Variants in PPFIA3 observed in about 807,000 individuals in gnomAD.
The protein encoded by PPFIA3 is liprin-alpha-3.
A neutral mutation model predicts 145.8 loss-of-function variants in PPFIA3; 26 were observed. That is an observed-to-expected ratio of 0.18 (90% CI 0.13 to 0.25). The LOEUF (loss-of-function observed/expected upper bound fraction) is 0.25, where lower values mean the gene tolerates loss of function less well. PPFIA3 is among the 10% of genes least tolerant of loss of function. The probability of loss-of-function intolerance (pLI) is 1.00; values close to 1 mark genes in which losing one functional copy is unlikely to be tolerated. For synonymous variants in PPFIA3, 645 were observed against 661.4 expected, an observed-to-expected ratio of 0.98 and a Z score of 0.38; for missense variants, 1,008 against 1,587.8, an observed-to-expected ratio of 0.63 and a Z score of 6.21.
At position 49,149,075 on chromosome 19, in the gene PPFIA3, G is replaced by A. The variant is rs1022221926; in HGVS notation, c.3192G>A (p.Glu1064=). ...GLKEFATNLT[E]SGVHGALLAL... is the part of the protein sequence containing the mutation. Reference sequence around the variant, plus strand: ...AGGAATTTGCCACGAACCTCACGGAGAGCGGGGTACACGGGGCACTGCTCG... The same window carrying A: ...AGGAATTTGCCACGAACCTCACGGAAAGCGGGGTACACGGGGCACTGCTCG... The change falls in exon 26 of 30, where the codon GAG becomes GAA. Residue 1064 remains glutamate (E), a synonymous_variant. Coordinates refer to ENST00000334186, the MANE Select transcript of PPFIA3 (RefSeq NM_003660.4). This position sits in a 1 kb window ranked among gnomAD's most constrained non-coding sequence, Gnocchi z 5.7. 1 of 1,614,194 alleles carries A rather than the reference G, an allele frequency of 6.2e-7. No individual in the cohort carries two copies. Among genetic ancestry groups the A allele is most frequent in the African/African-American group, 1.3e-5 (1 of 75,054 alleles).
At chr19:49,132,974 C>G in intron 7 of PPFIA3, 27 bp from the exon 8 acceptor site, 1 of 1,603,312 alleles carries the variant, frequency 6.2e-7, no homozygotes, top group Non-Finnish European at 8.5e-7. Context: ...GGCTCGCAGT[C>G]CACGGGGCCC....
intron 21 of PPFIA3, among the ~76,000 whole-genome samples, chr19:49,145,470 C>T (rs1005521998): frequency 1.3e-5 from 2 of 152,190 alleles, no homozygotes; most frequent in African/African-American, 4.8e-5. Context: ...CCATATCCCA[C>T]ACCCTATGAC....
At chr19:49,125,520 TCCCGCCCCAGAAAC>T (rs1173589218) in intron 1 of PPFIA3, 2 of 152,490 alleles carry the variant, frequency 1.3e-5, no homozygotes, top group Non-Finnish European at 1.5e-5. Flanking sequence ...AGTCCAGGCT[TCCCGCCCCAGAAAC>T]CCCGCCCCTT....
chr19:49,137,840 C>CCTGATCT (rs2041160431), intron 15 of PPFIA3, among the ~76,000 whole-genome samples: 1 of 152,004 alleles, frequency 6.6e-6, no homozygotes, highest in South Asian at 2.1e-4. Context: ...GGCCTGAGTC[C>CCTGATCT]CTGATCTCAC....
Position 49,148,270 on chromosome 19 carries a change from C to G in PPFIA3, c.3011+12C>G. On this transcript the variant is annotated intron_variant, in intron 24 of 29. Coordinates refer to ENST00000334186, the MANE Select transcript of PPFIA3 (RefSeq NM_003660.4). Reference sequence around the variant, plus strand: ...GACAGCTTTCACAGGTGGGGGCTGCCTGGCCAGTGGGGACAGTCCAAAGGG... The same window carrying G: ...GACAGCTTTCACAGGTGGGGGCTGCGTGGCCAGTGGGGACAGTCCAAAGGG... The G allele has an allele frequency of 6.2e-7, 1 of 1,611,624 alleles. No homozygotes were observed. The highest frequency in any genetic ancestry group is 8.5e-7 in the Non-Finnish European group (1 of 1,178,518).
In PPFIA3 at chr19:49,128,823, T is replaced by C. The variant is rs1265254798; in HGVS notation, c.343-25T>C. ...GCCCCTTTTCCCTTGCCTCTTTTCC[T>C]TGACCCCATGCCGTGTGCTTGCAGC... On this transcript the variant is annotated intron_variant, in intron 3 of 29. Transcript: ENST00000334186. The surrounding 1 kb of genome is among the most constrained non-coding windows in gnomAD (Gnocchi z 4.1). 1 of 1,563,218 alleles carries C rather than the reference T, an allele frequency of 6.4e-7. No individual in the cohort carries two copies.
At chr19:49,135,539 A>AT (rs969672396) in intron 13 of PPFIA3, among the ~76,000 whole-genome samples, 28 of 151,472 alleles carry the variant, frequency 1.8e-4, no homozygotes, top group African/African-American at 2.9e-4. Context: ...CATCCAGCTA[A>AT]TTTTTTTTAT....
chr19:49,143,207 C>T (rs1258799911), intron 21 of PPFIA3, among the ~76,000 whole-genome samples: 2 of 152,222 alleles, frequency 1.3e-5, no homozygotes, highest in African/African-American at 4.8e-5. Context: ...CAGGCCACCT[C>T]CTTCCCTGAC....
chr19:49,126,044 G>A (rs1379104042), intron 1 of PPFIA3, among the ~76,000 whole-genome samples: 2 of 151,964 alleles, frequency 1.3e-5, no homozygotes, highest in Admixed American at 6.6e-5. Context: ...TCTGCCTCCC[G>A]GGTTCAAGCG....
In PPFIA3 at chr19:49,141,526, G is replaced by C. The variant is rs1568439916; in HGVS notation, c.2462+13G>C. The C allele has an allele frequency of 1.9e-6, 3 of 1,605,302 alleles. No homozygotes were observed. The highest frequency in any genetic ancestry group is 2.6e-6 in the Non-Finnish European group (3 of 1,172,224). ...GGAACAAGAGGAAGTGAGTGTGTGTGAGTGTGAGCGTGTGTGTGTGTATGT... is the reference window on the plus strand; with the variant it reads ...GGAACAAGAGGAAGTGAGTGTGTGTCAGTGTGAGCGTGTGTGTGTGTATGT... On this transcript the variant is annotated intron_variant, in intron 19 of 29. Transcript: ENST00000334186.
chr19:49,129,019 G>T lies in PPFIA3; in HGVS notation c.507+7G>T. The T allele has an allele frequency of 6.3e-7, 1 of 1,579,744 alleles. No homozygotes were observed. The highest frequency in any genetic ancestry group is 8.6e-7 in the Non-Finnish European group (1 of 1,160,876). ...CAAGGCCCTGGATGAGAAGGTATGA[G>T]AATTAGAAGAGCAGGGGTGGAGAAT... is the stretch of plus-strand genomic sequence containing the variant. On this transcript the variant is annotated splice_region_variant and intron_variant, in intron 4 of 29. Coordinates refer to ENST00000334186, the MANE Select transcript of PPFIA3 (RefSeq NM_003660.4).
chr19:49,148,491 T>A, intron 24 of PPFIA3, 175 bp from the exon 25 acceptor site: 1 of 716,362 alleles, frequency 1.4e-6, no homozygotes, highest in Non-Finnish European at 2.3e-6. Context: ...GGCTGGCCAG[T>A]AGGAAGTGCC....
At chr19:49,142,565 CCCTCTT>C (rs2041236099) in intron 20 of PPFIA3, among the ~76,000 whole-genome samples, 1 of 146,874 alleles carries the variant, frequency 6.8e-6, no homozygotes, top group Non-Finnish European at 1.5e-5. Flanking sequence ...CTCTCCCTCT[CCCTCTT>C]CCCCCACCCG....
intron 4 of PPFIA3, 128 bp downstream of exon 4, chr19:49,129,140 T>A: frequency 9.0e-7 from 1 of 1,110,230 alleles, no homozygotes; most frequent in Non-Finnish European, 1.3e-6. Flanking sequence ...TGACTGTGAT[T>A]GATTGGGACA....
rs571713140 is a variant in PPFIA3 at position 49,128,244 on chromosome 19, G to A, written c.241-123G>A. On this transcript the variant is annotated intron_variant, in intron 2 of 29. Transcript: ENST00000334186. This position sits in a 1 kb window ranked among gnomAD's most constrained non-coding sequence, Gnocchi z 4.1. Reference sequence around the variant, plus strand: ...GGCTTGCCGTTAATGGGCGGGGCCTGAGTGGCAAGGGACAGCGGGACTTAG... The same window carrying A: ...GGCTTGCCGTTAATGGGCGGGGCCTAAGTGGCAAGGGACAGCGGGACTTAG... 25 of 1,482,024 alleles carry A rather than the reference G, an allele frequency of 1.7e-5. No homozygotes were observed. In the South Asian group the frequency reaches 2.9e-4, roughly 17 times the overall value. The allele number at this position is 1,482,024 out of a possible 1,614,324, so 91.8% of individuals were successfully genotyped here.
In PPFIA3 at chr19:49,150,331, C is replaced by T. The variant is rs996547007; in HGVS notation, c.*109C>T. Reference sequence around the variant, plus strand: ...GCCGGGGAGAGCGGGCGGGGGAGCTCGCGCCGAGGACTGGACCATCTGTAC... The same window carrying T: ...GCCGGGGAGAGCGGGCGGGGGAGCTTGCGCCGAGGACTGGACCATCTGTAC... On this transcript the variant is annotated 3_prime_UTR_variant, in exon 30 of 30. Transcript: ENST00000334186. The T allele has an allele frequency of 1.6e-6, 1 of 639,720 alleles. No individual in the cohort carries two copies. 39.6% of individuals were successfully genotyped at this position (639,720 alleles called of 1,614,324 possible).
chr19:49,139,971 C>T lies in PPFIA3; in HGVS notation c.2251C>T (p.Pro751Ser). Residue 751 changes from proline to serine, a missense_variant, in exon 18 of 30, where the codon CCA becomes TCA. Coordinates refer to ENST00000334186, the MANE Select transcript of PPFIA3 (RefSeq NM_003660.4). ...CTCCTGCTTTCCCAGTGAGGGCACCCCAGATTCTCTGCACAAAGCCCCCAA... is the reference window on the plus strand; with the variant it reads ...CTCCTGCTTTCCCAGTGAGGGCACCTCAGATTCTCTGCACAAAGCCCCCAA... Reference protein sequence around the residue: ...GGPPRGSEGTPDSLHKAPKKK... With the variant: ...GGPPRGSEGTSDSLHKAPKKK... 1 of 1,614,136 alleles carries T rather than the reference C, an allele frequency of 6.2e-7. No individual in the cohort carries two copies.
In PPFIA3 at chr19:49,133,469, C is replaced by T. The variant is rs1351258094; in HGVS notation, c.1161+98C>T. 15 of 1,386,340 alleles carry T rather than the reference C, an allele frequency of 1.1e-5. No individual in the cohort carries two copies. The highest frequency in any genetic ancestry group is 2.5e-5 in the East Asian group (1 of 40,210). 85.9% of individuals were successfully genotyped at this position (1,386,340 alleles called of 1,614,324 possible). A position where few individuals can be genotyped will look rare whatever the true frequency, so the allele number is the denominator to read the frequency against. ...TGGAGGGGTAGGAGCGAGGTCAGAA[C>T]CCCGGATTTGGGGGAAAGGGTGGGG... On this transcript the variant is annotated intron_variant, in intron 9 of 29. Transcript: ENST00000334186. This position sits in a 1 kb window ranked among gnomAD's most constrained non-coding sequence, Gnocchi z 7.2.
rs996000357 is a variant in PPFIA3, at chr19:49,130,922, C to A, written c.879+323C>A. On this transcript the variant is annotated intron_variant, in intron 7 of 29. Coordinates refer to ENST00000334186, the MANE Select transcript of PPFIA3 (RefSeq NM_003660.4). The surrounding 1 kb of genome is among the most constrained non-coding windows in gnomAD (Gnocchi z 4.5). ...TGTCGCCCAGGCTGGAGTGCAGTGG[C>A]GTGATCTTGGCTTACTGCCACCTCT... Among the ~76,000 whole-genome samples, 2 of 151,652 alleles carry A rather than the reference C, an allele frequency of 1.3e-5. No homozygotes were observed. The highest frequency in any genetic ancestry group is 4.8e-5 in the African/African-American group (2 of 41,250).
Sources: gnomAD v4.1 joint callset for allele counts (sites outside exome capture counted in the v4.1 genomes callset) on GRCh38, gnomAD v4.1.1 for gene constraint, Gnocchi (gnomAD v3.1) non-coding constraint, MANE v1.5 for transcripts, NCBI Gene and HGNC (gene_info 2026-07-23, HGNC 2026-07-21) for gene names.